Variants in DCC observed in about 807,000 individuals in gnomAD.
DCC encodes the protein DCC netrin 1 receptor.
In DCC, 58 loss-of-function variants were observed where a neutral mutation model predicts 172.5. The observed-to-expected ratio is 0.34, with a 90% CI of 0.27 to 0.42. The LOEUF (loss-of-function observed/expected upper bound fraction) is 0.42. Ranked by LOEUF, DCC falls within the 10% of genes least tolerant of loss-of-function variation. The pLI is 1.00. For synonymous variants in DCC, 709 were observed against 644.5 expected (o/e 1.10, Z -1.52); for missense variants, 1,740 against 1,791.0 (o/e 0.97, Z 0.51).
intron 12 of DCC, among the ~76,000 whole-genome samples, chr18:53,215,945 T>C (rs2055840055): frequency 1.3e-5 from 2 of 152,204 alleles, no homozygotes; most frequent in Admixed American, 1.3e-4. Flanking sequence ...ATGTGCTAGA[T>C]GAGGAAATTG....
Position 53,143,114 on chromosome 18 carries a change from G to T in DCC, c.1262-14242G>T, listed in dbSNP as rs146118491. ...TTTTACCACTCACTAAGTGGTGGCTGAGTTGGCCAGGGTTTTACTCTGAAA... is the reference window on the plus strand; with the variant it reads ...TTTTACCACTCACTAAGTGGTGGCTTAGTTGGCCAGGGTTTTACTCTGAAA... On this transcript the variant is annotated intron_variant, in intron 7 of 28. Coordinates refer to ENST00000442544, the MANE Select transcript of DCC (RefSeq NM_005215.4). Among the ~76,000 whole-genome samples, 215 of 152,210 alleles carry T rather than the reference G, an allele frequency of 1.4e-3. 1 individual carries two copies. Among genetic ancestry groups the T allele is most frequent in the African/African-American group, 4.9e-3 (203 of 41,534 alleles).
intron 14 of DCC, among the ~76,000 whole-genome samples, chr18:53,337,709 G>A (rs2057608285): frequency 6.6e-6 from 1 of 152,158 alleles, no homozygotes. Flanking sequence ...CTTTTGAAAA[G>A]CTTTAGAATC....
chr18:53,309,123 G>A (rs564977735), intron 13 of DCC, among the ~76,000 whole-genome samples: 1 of 152,148 alleles, frequency 6.6e-6, no homozygotes, highest in South Asian at 2.1e-4. Flanking sequence ...CTGCAGACTT[G>A]ACCTTCGGGA....
intron 1 of DCC, among the ~76,000 whole-genome samples, chr18:52,614,207 T>C (rs1410319480): frequency 2.0e-5 from 3 of 152,158 alleles, no homozygotes; most frequent in South Asian, 2.1e-4. Context: ...AAAAATAAAA[T>C]GGTGAGTCTT....
intron 1 of DCC, among the ~76,000 whole-genome samples, chr18:52,507,000 C>A (rs2031252726): frequency 6.6e-6 from 1 of 151,928 alleles, no homozygotes; most frequent in South Asian, 2.1e-4. Context: ...AAAAAAGTTT[C>A]TAAAAGAGAG....
Position 53,318,370 on chromosome 18 carries a change from T to C in DCC, c.2054-3677T>C, listed in dbSNP as rs376331667. 1.8e-4 allele frequency among the ~76,000 whole-genome samples: 28 copies of C among 152,330 alleles called. No homozygotes were observed. In the East Asian group the frequency reaches 5.4e-3, roughly 29 times the overall value. ...ACTATTTGTTATGATTTTCATTCTTTTGCCTTTCCTGAGGAGTTTTTTTAC... is the reference window on the plus strand; with the variant it reads ...ACTATTTGTTATGATTTTCATTCTTCTGCCTTTCCTGAGGAGTTTTTTTAC... On this transcript the variant is annotated intron_variant, in intron 13 of 28. Coordinates refer to ENST00000442544, the MANE Select transcript of DCC (RefSeq NM_005215.4).
At chr18:53,333,549 A>G (rs2057556685) in intron 14 of DCC, among the ~76,000 whole-genome samples, 1 of 152,132 alleles carries the variant, frequency 6.6e-6, no homozygotes, top group Admixed American at 6.5e-5. Flanking sequence ...GCTGTCCCCT[A>G]AGAGGAAAAC....
intron 2 of DCC, among the ~76,000 whole-genome samples, chr18:52,873,675 G>A (rs1014692012): frequency 6.6e-6 from 1 of 152,204 alleles, no homozygotes; most frequent in African/African-American, 2.4e-5. Context: ...GGCTTGGCTT[G>A]TTCTTCCTAA....
rs983963783 is a variant in DCC at position 53,533,558 on chromosome 18, T to C, written c.*2905T>C. ...TCTCCTCTGCAGAAATTTCTGCATTTGTGAAACTTATAAAAATTTAGATAG... is the reference window on the plus strand; with the variant it reads ...TCTCCTCTGCAGAAATTTCTGCATTCGTGAAACTTATAAAAATTTAGATAG... On this transcript the variant is annotated 3_prime_UTR_variant, in exon 29 of 29. Transcript: ENST00000442544. 2.6e-5 allele frequency: 4 copies of C among 152,218 alleles called. No homozygotes were observed. Among genetic ancestry groups the C allele is most frequent in the Non-Finnish European group, 4.4e-5 (3 of 68,022 alleles). The allele number at this position is 152,218 out of a possible 1,614,324, so 9.4% of individuals were successfully genotyped here.
chr18:52,909,003 C>T lies in DCC; in HGVS notation c.697+2675C>T, dbSNP rs547095443. Among the ~76,000 whole-genome samples, 24 of 152,126 alleles carry T rather than the reference C, an allele frequency of 1.6e-4. No homozygotes were observed. The East Asian group carries it at 4.5e-3, about 28-fold the overall frequency. ...ATAAAGAACCTGCTAAAGGAGAATG[C>T]TTTTAACACATTCTCGAGTTTGCAA... On this transcript the variant is annotated intron_variant, in intron 3 of 28. Transcript: ENST00000442544.
chr18:53,409,238 C>T (rs578149950), intron 19 of DCC, among the ~76,000 whole-genome samples: 2 of 152,238 alleles, frequency 1.3e-5, no homozygotes, highest in African/African-American at 2.4e-5. Context: ...GTGTGCATGG[C>T]TATTTTCTGA....
intron 1 of DCC, among the ~76,000 whole-genome samples, chr18:52,396,658 T>G (rs997518907): frequency 6.6e-6 from 1 of 152,068 alleles, no homozygotes; most frequent in African/African-American, 2.4e-5. Context: ...CAGGTTCCTT[T>G]TTATATCATT....
intron 1 of DCC, among the ~76,000 whole-genome samples, chr18:52,655,544 T>C (rs920873958): frequency 1.7e-4 from 26 of 152,110 alleles, no homozygotes; most frequent in African/African-American, 6.0e-4. Context: ...ATGGATATTG[T>C]TTTACTTTGC....
Position 53,440,342 on chromosome 18 carries a change from TTAAAGA to T in DCC, c.3229+5139_3229+5144del, listed in dbSNP as rs972077293. 5.5e-4 allele frequency among the ~76,000 whole-genome samples: 84 copies of T among 152,228 alleles called. 3 individuals are homozygous for T. Among genetic ancestry groups the T allele is most frequent in the Middle Eastern group, 3.4e-3 (1 of 294 alleles). On this transcript the variant is annotated intron_variant, in intron 22 of 28. Coordinates refer to ENST00000442544, the MANE Select transcript of DCC (RefSeq NM_005215.4). Reference sequence around the variant, plus strand: ...AATAGTATTTTATTGACCTCAACCTTTAAAGATAAAGTTAAACTTGATGAGTTTTAA... The same window carrying T: ...AATAGTATTTTATTGACCTCAACCTTTAAAGTTAAACTTGATGAGTTTTAA...
chr18:53,045,399 C>T (rs2042224060), intron 5 of DCC, among the ~76,000 whole-genome samples: 1 of 151,764 alleles, frequency 6.6e-6, no homozygotes, highest in Non-Finnish European at 1.5e-5. Flanking sequence ...AGAAGTGTTT[C>T]CTTGAGGCTT....
At chr18:52,724,827 TC>T in intron 1 of DCC, among the ~76,000 whole-genome samples, 1 of 152,298 alleles carries the variant, frequency 6.6e-6, no homozygotes, top group Middle Eastern at 3.4e-3. Context: ...TCTGACCCAT[TC>T]TACACAATTC....
At chr18:52,859,520 G>A (rs2039104617) in intron 2 of DCC, among the ~76,000 whole-genome samples, 1 of 152,224 alleles carries the variant, frequency 6.6e-6, no homozygotes, top group Non-Finnish European at 1.5e-5. Flanking sequence ...TAAAACACAT[G>A]AGGGGACCAG....
intron 22 of DCC, among the ~76,000 whole-genome samples, chr18:53,449,450 A>T (rs915724149): frequency 5.3e-5 from 8 of 152,186 alleles, no homozygotes; most frequent in Non-Finnish European, 1.0e-4. Flanking sequence ...TCAGGAAAAC[A>T]TTTGTGTTAG....
intron 7 of DCC, among the ~76,000 whole-genome samples, chr18:53,101,515 T>C (rs2043171943): frequency 6.6e-6 from 1 of 152,090 alleles, no homozygotes; most frequent in South Asian, 2.1e-4. Flanking sequence ...TTACATAAAT[T>C]ATTCTCTGGG....
Sources: allele counts gnomAD v4.1 joint callset (sites outside exome capture counted in the v4.1 genomes callset), GRCh38; gene constraint gnomAD v4.1.1; transcripts MANE v1.5; gene names NCBI Gene and HGNC (gene_info 2026-07-23, HGNC 2026-07-21).